DCP1B: variants seen among roughly 807,000 people sequenced by gnomAD.
The protein encoded by DCP1B is decapping mRNA 1B.
DCP1B carries 47 observed loss-of-function variants against 60.5 expected under a neutral mutation model. The ratio of observed to expected loss-of-function variants is 0.78; its 90% confidence interval spans 0.61 to 0.99. The LOEUF is 0.99. DCP1B is among the 50% of genes least tolerant of loss of function. The pLI, the probability that DCP1B is intolerant of heterozygous loss-of-function variation, is 0.00. For missense variants in DCP1B, 725 were observed against 756.8 expected (o/e 0.96, Z 0.49); for synonymous variants, 267 against 280.3 (o/e 0.95, Z 0.47).
chr12:1,951,393 A>G (rs982895063), intron 7 of DCP1B, among the ~76,000 whole-genome samples: 1 of 152,260 alleles, frequency 6.6e-6, no homozygotes, highest in African/African-American at 2.4e-5. Context: ...ATGTGTTCCA[A>G]TCCAAAGGGA....
intron 3 of DCP1B, among the ~76,000 whole-genome samples, chr12:1,973,601 C>G (rs890156074): frequency 1.3e-5 from 2 of 152,152 alleles, no homozygotes; most frequent in African/African-American, 4.8e-5. Flanking sequence ...TCTTCCTAAA[C>G]TGGGAACCTT....
In DCP1B at chr12:1,955,509, C is replaced by T; in HGVS notation, c.574G>A (p.Asp192Asn). The T allele has an allele frequency of 6.2e-7, 1 of 1,613,906 alleles. No individual in the cohort carries two copies. The highest frequency in any genetic ancestry group is 8.5e-7 in the Non-Finnish European group (1 of 1,179,828). ...ATTGGTTTGATGAGATTTGGATTGT[C>T]ATAGATGGCAGAGGAACTGGTTATC... ...KKITSSSAIY[D>N]NPNLIKPIPV... The change falls in exon 6 of 9, where the codon GAC becomes AAC. Residue 192 changes from aspartate to asparagine, a missense_variant. Coordinates refer to ENST00000280665, the MANE Select transcript of DCP1B (RefSeq NM_152640.5).
In DCP1B at chr12:1,953,157, TTGCTGCTGCTGCTGC is replaced by T. The variant is rs71057810; in HGVS notation, c.768_782del (p.Gln257_Gln261del). 4.5e-6 allele frequency: 7 copies of T among 1,561,990 alleles called. No individual in the cohort carries two copies. In the African/African-American group the frequency reaches 5.5e-5, roughly 12 times the overall value. On this transcript the variant is annotated inframe_deletion, in exon 7 of 9. Transcript: ENST00000280665. Reference sequence around the variant, plus strand: ...CCCCCTGCCTAATTGGAAGCTTCTCTTGCTGCTGCTGCTGCTGCTGCTGCTGCTGGTGGAGAGTCT... The same window carrying T: ...CCCCCTGCCTAATTGGAAGCTTCTCTTGCTGCTGCTGCTGGTGGAGAGTCT...
At chr12:2,001,168 C>T (rs1248214521) in intron 1 of DCP1B, among the ~76,000 whole-genome samples, 5 of 152,156 alleles carry the variant, frequency 3.3e-5, no homozygotes, top group African/African-American at 1.2e-4. Context: ...TTACAGCTGC[C>T]CAAATTCACG....
chr12:1,952,639 A>G lies in DCP1B; in HGVS notation c.1301T>C (p.Leu434Pro). The G allele has an allele frequency of 6.2e-7, 1 of 1,613,918 alleles. No individual in the cohort carries two copies. The highest frequency in any genetic ancestry group is 8.5e-7 in the Non-Finnish European group (1 of 1,179,990). The change falls in exon 7 of 9, where the codon CTC becomes CCC. Residue 434 changes from leucine to proline, a missense_variant. Transcript: ENST00000280665. ...GCCAGTCTGACTACCAGAGATGGGG[A>G]GTGTTTGTCTTGGGAGTGTGGACTG... Reference protein sequence around the residue: ...REQSTLPRQTLPISGSQTGSS... With the variant: ...REQSTLPRQTPPISGSQTGSS...
chr12:1,997,816 G>C (rs927051758), intron 2 of DCP1B, 119 bp downstream of exon 2: 1 of 855,978 alleles, frequency 1.2e-6, no homozygotes, highest in Admixed American at 2.8e-5. Context: ...TCAAAACTGA[G>C]ATTTAATTCT....
At chr12:1,989,342 G>A (rs1240419810) in intron 3 of DCP1B, among the ~76,000 whole-genome samples, 1 of 151,512 alleles carries the variant, frequency 6.6e-6, no homozygotes, top group Non-Finnish European at 1.5e-5. Context: ...TGTCTCTAAA[G>A]AGCAGAGCAG....
chr12:1,950,973 T>C (rs960888525), intron 7 of DCP1B, among the ~76,000 whole-genome samples: 1 of 152,090 alleles, frequency 6.6e-6, no homozygotes, highest in Non-Finnish European at 1.5e-5. Flanking sequence ...TGAGAAACTG[T>C]TATAAGTTAC....
intron 3 of DCP1B, among the ~76,000 whole-genome samples, chr12:1,968,455 G>A (rs139451035): frequency 1.5e-3 from 221 of 151,870 alleles, no homozygotes; most frequent in Non-Finnish European, 2.6e-3. Context: ...TGTGCTCCGC[G>A]TGAAAACATG....
At chr12:1,981,502 G>A (rs567499031) in intron 3 of DCP1B, among the ~76,000 whole-genome samples, 1 of 152,100 alleles carries the variant, frequency 6.6e-6, no homozygotes, top group Non-Finnish European at 1.5e-5. Flanking sequence ...TTATACATAA[G>A]GTAAACTATA....
chr12:1,960,389 G>A (rs1310020494), intron 5 of DCP1B, among the ~76,000 whole-genome samples: 1 of 152,192 alleles, frequency 6.6e-6, no homozygotes, highest in Non-Finnish European at 1.5e-5. Context: ...GCTGGGGGTA[G>A]GAGGATTTTG....
chr12:1,989,709 G>A (rs549759879), intron 3 of DCP1B, among the ~76,000 whole-genome samples: 2 of 152,268 alleles, frequency 1.3e-5, no homozygotes, highest in South Asian at 2.1e-4. Context: ...GCAAGACTCC[G>A]TCTCAATTGA....
intron 5 of DCP1B, among the ~76,000 whole-genome samples, chr12:1,958,705 A>G (rs1421663281): frequency 1.4e-5 from 2 of 140,744 alleles, no homozygotes; most frequent in Non-Finnish European, 3.1e-5. Flanking sequence ...GACAGGGGAA[A>G]AGCTCCCCAA....
intron 1 of DCP1B, among the ~76,000 whole-genome samples, chr12:2,000,046 T>G (rs1593393437): frequency 6.6e-6 from 1 of 152,198 alleles, no homozygotes; most frequent in East Asian, 1.9e-4. Context: ...AAGAATTACT[T>G]ACACCCAAAC....
chr12:2,001,811 A>G (rs1005647374), intron 1 of DCP1B, among the ~76,000 whole-genome samples: 3 of 152,198 alleles, frequency 2.0e-5, no homozygotes, highest in Admixed American at 6.5e-5. Context: ...CAGGCTCAGC[A>G]TTCCCTGGCC....
rs144383893 is a variant in DCP1B at position 1,949,249 on chromosome 12, G to A, written c.1610C>T (p.Pro537Leu). The A allele has an allele frequency of 3.2e-5, 52 of 1,614,134 alleles. No individual in the cohort carries two copies. In the African/African-American group the frequency reaches 6.3e-4, roughly 19 times the overall value. The change falls in exon 8 of 9, where the codon CCG becomes CTG. Residue 537 changes from proline to leucine, a missense_variant. By Grantham distance (98) the Pro-to-Leu change is moderately conservative. Transcript: ENST00000280665. ...GAGGCCGCTCTCCCTTTCCTTTGGC[G>A]GGACGGAGGTGGGTTGTGCGAACAC... ...PMVFAQPTSV[P>L]PKERESGLLP...
downstream of DCP1B, among the ~76,000 whole-genome samples, chr12:1,942,592 T>A (rs1451316600): frequency 6.6e-6 from 1 of 152,150 alleles, no homozygotes; most frequent in Non-Finnish European, 1.5e-5. Context: ...ACAAACAGTC[T>A]CTCAGACCAC....
At position 1,952,817 on chromosome 12, in the gene DCP1B, C is replaced by T; in HGVS notation, c.1123G>A (p.Ala375Thr). The T allele has an allele frequency of 6.2e-7, 1 of 1,614,170 alleles. No individual in the cohort carries two copies. Among genetic ancestry groups the T allele is most frequent in the East Asian group, 2.2e-5 (1 of 44,876 alleles). The change falls in exon 7 of 9, where the codon GCA becomes ACA. Residue 375 changes from alanine (A) to threonine (T), a missense_variant. Physicochemically the swap from Ala to Thr is moderately conservative, Grantham distance 58. Coordinates refer to ENST00000280665, the MANE Select transcript of DCP1B (RefSeq NM_152640.5). ...TTCAGGGCAGCTGAGCTGGCAGGTGCTGGTGTACTAGGGTCACACTTGTTT... is the reference window on the plus strand; with the variant it reads ...TTCAGGGCAGCTGAGCTGGCAGGTGTTGGTGTACTAGGGTCACACTTGTTT... ...AANKCDPSTP[A>T]PASSAALNRS...
At chr12:2,002,258 T>C (rs2042347371) in intron 1 of DCP1B, among the ~76,000 whole-genome samples, 1 of 152,212 alleles carries the variant, frequency 6.6e-6, no homozygotes, top group African/African-American at 2.4e-5. Flanking sequence ...AATGTTCTCA[T>C]ATTCTTATTA....
Sources: allele counts gnomAD v4.1 joint callset (sites outside exome capture counted in the v4.1 genomes callset), GRCh38; gene constraint gnomAD v4.1.1; transcripts MANE v1.5; gene names NCBI Gene and HGNC (gene_info 2026-07-23, HGNC 2026-07-21).